The following BMP5 variants were observed in gnomAD, a reference collection of about 807,000 sequenced individuals.
BMP5 encodes bone morphogenetic protein 5.
A neutral mutation model predicts 46.6 loss-of-function variants in BMP5; 23 were observed. The ratio of observed to expected loss-of-function variants is 0.49; its 90% CI spans 0.35 to 0.70. The LOEUF (loss-of-function observed/expected upper bound fraction) is 0.70. Ranked by LOEUF, BMP5 falls within the 30% of genes least tolerant of loss-of-function variation. BMP5 has a pLI of 0.00. For missense variants in BMP5, 545 were observed against 565.6 expected, an observed-to-expected ratio of 0.96 and a Z score of 0.37; for synonymous variants, 204 against 191.9, an observed-to-expected ratio of 1.06 and a Z score of -0.52.
At chr6:55,788,416 A>G (rs3798837) in intron 3 of BMP5, among the ~76,000 whole-genome samples, 4,252 of 151,876 alleles carry the variant, frequency 0.028, 83 homozygotes, top group Middle Eastern at 0.065. Flanking sequence ...AACTGCCTAT[A>G]TACTCTGCTG....
intron 2 of BMP5, among the ~76,000 whole-genome samples, chr6:55,812,091 C>T (rs1377986069): frequency 6.6e-6 from 1 of 152,158 alleles, no homozygotes; most frequent in Non-Finnish European, 1.5e-5. Context: ...GTGGAAACCT[C>T]CTTTCCCAAT....
At chr6:55,796,273 A>C (rs1040324857) in intron 2 of BMP5, among the ~76,000 whole-genome samples, 3 of 152,140 alleles carry the variant, frequency 2.0e-5, no homozygotes, top group South Asian at 2.1e-4. Context: ...AAAACAAAAA[A>C]GAACAAGGAG....
chr6:55,863,221 T>C (rs1173041020), intron 1 of BMP5, among the ~76,000 whole-genome samples: 1 of 152,216 alleles, frequency 6.6e-6, no homozygotes, highest in African/African-American at 2.4e-5. Context: ...CTGCGGTAAT[T>C]TAGATCAAAC....
intron 1 of BMP5, among the ~76,000 whole-genome samples, chr6:55,830,577 G>A (rs1246713193): frequency 6.6e-6 from 1 of 152,014 alleles, no homozygotes; most frequent in Admixed American, 6.6e-5. Context: ...TCTTATTTTA[G>A]ATTCAAATTT....
chr6:55,759,174 AAAAAAAAAAC>A (rs869202971), intron 5 of BMP5, 59 bp from the exon 6 acceptor site: 17 of 857,838 alleles, frequency 2.0e-5, no homozygotes, highest in Admixed American at 2.7e-5. Flanking sequence ...AAAAAAAAAA[AAAAAAAAAAC>A]AACAAGAAAA....
At chr6:55,771,701 G>A (rs959329414) in intron 4 of BMP5, among the ~76,000 whole-genome samples, 1 of 151,684 alleles carries the variant, frequency 6.6e-6, no homozygotes, top group Non-Finnish European at 1.5e-5. Flanking sequence ...TAATTCTTCT[G>A]TACTAATGGA....
intron 1 of BMP5, among the ~76,000 whole-genome samples, chr6:55,840,403 G>A (rs1037252080): frequency 1.3e-5 from 2 of 152,056 alleles, no homozygotes; most frequent in African/African-American, 4.8e-5. Flanking sequence ...TGTTGAATTA[G>A]ACATGGTGAG....
chr6:55,843,055 T>G (rs929523849), intron 1 of BMP5, among the ~76,000 whole-genome samples: 1 of 152,088 alleles, frequency 6.6e-6, no homozygotes, highest in Non-Finnish European at 1.5e-5. Context: ...TTGAAACAGA[T>G]TCTTATGAAA....
chr6:55,773,141 C>A (rs1478174111), intron 4 of BMP5, among the ~76,000 whole-genome samples: 2 of 151,824 alleles, frequency 1.3e-5, no homozygotes, highest in African/African-American at 4.8e-5. Context: ...ATCCATCATG[C>A]CTGGCAGAGT....
intron 2 of BMP5, among the ~76,000 whole-genome samples, chr6:55,818,155 C>G (rs1179974662): frequency 2.6e-5 from 4 of 151,976 alleles, no homozygotes; most frequent in African/African-American, 9.7e-5. Context: ...TCCACAGCCT[C>G]CTTTTGGGTT....
chr6:55,806,499 G>A (rs1310065620), intron 2 of BMP5, among the ~76,000 whole-genome samples: 1 of 152,094 alleles, frequency 6.6e-6, no homozygotes, highest in Non-Finnish European at 1.5e-5. Flanking sequence ...AAGTTAGGTA[G>A]CATGATGCCT....
At chr6:55,808,663 T>C (rs1289047431) in intron 2 of BMP5, among the ~76,000 whole-genome samples, 2 of 152,168 alleles carry the variant, frequency 1.3e-5, no homozygotes, top group Non-Finnish European at 2.9e-5. Context: ...AAGCATGTTT[T>C]CCCAGGTTGG....
intron 2 of BMP5, 56 bp from the exon 3 acceptor site, chr6:55,794,483 T>G (rs534456096): frequency 3.4e-5 from 53 of 1,548,924 alleles, no homozygotes; most frequent in Non-Finnish European, 4.4e-6. Flanking sequence ...CATCATTATT[T>G]CCTAGACTTA....
intron 1 of BMP5, among the ~76,000 whole-genome samples, chr6:55,853,693 G>C (rs962832010): frequency 6.6e-6 from 1 of 152,064 alleles, no homozygotes; most frequent in African/African-American, 2.4e-5. Context: ...TTTCCAATTA[G>C]CACATTTTTA....
At chr6:55,773,965 G>C in intron 4 of BMP5, 84 bp downstream of exon 4, 2 of 1,422,376 alleles carry the variant, frequency 1.4e-6, no homozygotes, top group South Asian at 2.3e-5. Context: ...TATACATAGA[G>C]GGTAAATTTA....
At chr6:55,821,846 T>A (rs1776416844) in intron 1 of BMP5, among the ~76,000 whole-genome samples, 1 of 152,150 alleles carries the variant, frequency 6.6e-6, no homozygotes, top group African/African-American at 2.4e-5. Context: ...AGCTAGTAAC[T>A]GATGTGCATG....
intron 1 of BMP5, among the ~76,000 whole-genome samples, chr6:55,832,018 G>A (rs987279661): frequency 1.3e-5 from 2 of 152,092 alleles, no homozygotes; most frequent in Non-Finnish European, 2.9e-5. Context: ...AGTATAGGAG[G>A]CAAATAGTCC....
intron 4 of BMP5, among the ~76,000 whole-genome samples, chr6:55,763,597 G>C (rs1431506364): frequency 6.6e-6 from 1 of 152,086 alleles, no homozygotes; most frequent in Non-Finnish European, 1.5e-5. Context: ...AATACTGATG[G>C]GCAGCCTTTA....
chr6:55,815,608 C>T lies in BMP5; in HGVS notation c.683+4047G>A, dbSNP rs185938587. On this transcript the variant is annotated intron_variant, in intron 2 of 6. Transcript: ENST00000370830. ...TATACCAAAGAATACTGAAACAATA[C>T]GTAGCTATAGTAGCAGAAACATTAA... Among the ~76,000 whole-genome samples, 99 of 152,128 alleles carry T rather than the reference C, an allele frequency of 6.5e-4. No homozygotes were observed. The South Asian group carries it at 0.016, about 24-fold the overall frequency.
Sources: gnomAD v4.1 joint callset for allele counts (sites outside exome capture counted in the v4.1 genomes callset) on GRCh38, gnomAD v4.1.1 for gene constraint, MANE v1.5 for transcripts, NCBI Gene and HGNC (gene_info 2026-07-23, HGNC 2026-07-21) for gene names.